The following NDST4 variants were observed in gnomAD, a reference collection of about 807,000 sequenced individuals.
NDST4 encodes N-heparan sulfate sulfotransferase 4.
In NDST4, 63 loss-of-function variants were observed where a neutral mutation model predicts 100.8. The observed-to-expected ratio is 0.62, with a 90% CI of 0.51 to 0.77. The LOEUF (loss-of-function observed/expected upper bound fraction) is 0.77, where lower values mean the gene tolerates loss of function less well. Ranked by LOEUF, NDST4 falls within the 30% of genes least tolerant of loss-of-function variation. The pLI is 0.00. For synonymous variants in NDST4, 377 were observed against 361.8 expected, an observed-to-expected ratio of 1.04 and a Z score of -0.48; for missense variants, 943 against 1,018.4, an observed-to-expected ratio of 0.93 and a Z score of 1.01.
chr4:114,956,657 G>A (rs1445986435), intron 4 of NDST4, among the ~76,000 whole-genome samples: 1 of 152,060 alleles, frequency 6.6e-6, no homozygotes, highest in Non-Finnish European at 1.5e-5. Flanking sequence ...AAAAACATCA[G>A]GAAAGACAGT....
Position 114,845,908 on chromosome 4 carries a change from G to C in NDST4, c.2030C>G (p.Pro677Arg). ...GGGGACAAGAGATGCGGCTCGTCTT[G>C]GAGCTTCTTCCGAATGGAAGTAATT... ...SANYFHSEEA[P>R]RRAASLVPKA... Residue 677 changes from proline to arginine, a missense_variant, in exon 10 of 14, where the codon CCA (proline) becomes CGA (arginine). Coordinates refer to ENST00000264363, the MANE Select transcript of NDST4 (RefSeq NM_022569.3). 6.2e-7 allele frequency: 1 copy of C among 1,613,968 alleles called. No homozygotes were observed. The highest frequency in any genetic ancestry group is 2.2e-5 in the East Asian group (1 of 44,866).
chr4:115,066,409 T>C (rs538036720), intron 2 of NDST4, among the ~76,000 whole-genome samples: 1 of 152,208 alleles, frequency 6.6e-6, no homozygotes, highest in South Asian at 2.1e-4. Context: ...TCAGAAGAAA[T>C]GAAAACCTAG....
At chr4:115,111,941 A>C (rs935814635) in intron 1 of NDST4, among the ~76,000 whole-genome samples, 1 of 151,900 alleles carries the variant, frequency 6.6e-6, no homozygotes, top group Non-Finnish European at 1.5e-5. Context: ...TAGTAGGCTT[A>C]ACTTCCCATT....
At chr4:115,079,438 T>C (rs140876715) in intron 1 of NDST4, among the ~76,000 whole-genome samples, 13 of 152,278 alleles carry the variant, frequency 8.5e-5, no homozygotes, top group African/African-American at 3.1e-4. Flanking sequence ...TAGATGTTTT[T>C]CTTTGTATAG....
In NDST4 at chr4:114,959,305, C is replaced by T. The variant is rs142243914; in HGVS notation, c.1221+11125G>A. ...TCCACAATTTTGGGTATACTTCTAG[C>T]AGTACTCCACTCTACTGGTATCAAT... On this transcript the variant is annotated intron_variant, in intron 4 of 13. Transcript: ENST00000264363. 5.1e-3 allele frequency among the ~76,000 whole-genome samples: 765 copies of T among 151,458 alleles called. 6 individuals are homozygous for T. Among genetic ancestry groups the T allele is most frequent in the Non-Finnish European group, 7.1e-3 (483 of 67,990 alleles).
intron 7 of NDST4, among the ~76,000 whole-genome samples, chr4:114,854,678 C>T (rs1342240734): frequency 1.3e-5 from 2 of 152,152 alleles, no homozygotes; most frequent in African/African-American, 4.8e-5. Context: ...CTATGTTAGC[C>T]AGGATGGTCT....
chr4:115,039,674 C>T (rs541242778), intron 2 of NDST4, among the ~76,000 whole-genome samples: 7 of 152,096 alleles, frequency 4.6e-5, no homozygotes, highest in South Asian at 2.1e-4. Flanking sequence ...TCTCTCTATA[C>T]GACAATGGAT....
At chr4:114,852,584 T>C (rs2126188928) in intron 8 of NDST4, 141 bp downstream of exon 8, 1 of 568,096 alleles carries the variant, frequency 1.8e-6, no homozygotes, top group Non-Finnish European at 3.1e-6. Flanking sequence ...ATCATGGAGA[T>C]GACAAGCAGT....
chr4:114,981,318 T>C (rs999673463), intron 2 of NDST4, among the ~76,000 whole-genome samples: 3 of 152,134 alleles, frequency 2.0e-5, no homozygotes, highest in African/African-American at 4.8e-5. Context: ...TATAGCTACA[T>C]ACTGTTTGAT....
chr4:114,962,326 A>AAAATC (rs1726281366), intron 4 of NDST4, among the ~76,000 whole-genome samples: 1 of 151,866 alleles, frequency 6.6e-6, no homozygotes, highest in Non-Finnish European at 1.5e-5. Context: ...ACAATAAAAT[A>AAAATC]AAATAAAATA....
chr4:114,998,571 C>T (rs1369001833), intron 2 of NDST4, among the ~76,000 whole-genome samples: 1 of 152,054 alleles, frequency 6.6e-6, no homozygotes. Context: ...AAAGCAGTCT[C>T]ATACCATAAG....
intron 2 of NDST4, among the ~76,000 whole-genome samples, chr4:115,025,819 G>T (rs535530872): frequency 2.0e-5 from 3 of 152,172 alleles, no homozygotes; most frequent in Non-Finnish European, 2.9e-5. Context: ...TTTTTCCAAG[G>T]TACATATCTA....
At chr4:115,005,004 G>C (rs781266492) in intron 2 of NDST4, among the ~76,000 whole-genome samples, 6 of 151,974 alleles carry the variant, frequency 3.9e-5, no homozygotes, top group Non-Finnish European at 8.8e-5. Context: ...ATTTTAAATT[G>C]CTTACATTGA....
chr4:115,040,630 C>A (rs1728329160), intron 2 of NDST4, among the ~76,000 whole-genome samples: 2 of 151,906 alleles, frequency 1.3e-5, no homozygotes, highest in Non-Finnish European at 2.9e-5. Flanking sequence ...CAATGAGCAT[C>A]CCTACAGCAC....
intron 4 of NDST4, among the ~76,000 whole-genome samples, chr4:114,948,499 T>C (rs1725919295): frequency 6.6e-6 from 1 of 152,082 alleles, no homozygotes. Context: ...ACTGGCCATA[T>C]AGATTATTAA....
chr4:115,084,762 T>G (rs1349389801), intron 1 of NDST4, among the ~76,000 whole-genome samples: 1 of 152,176 alleles, frequency 6.6e-6, no homozygotes, highest in Non-Finnish European at 1.5e-5. Flanking sequence ...CCGCCTATAA[T>G]TCAGAGGATG....
chr4:115,096,735 G>T (rs1004196753), intron 1 of NDST4, among the ~76,000 whole-genome samples: 2 of 151,984 alleles, frequency 1.3e-5, no homozygotes, highest in African/African-American at 2.4e-5. Context: ...CAGGCATTCT[G>T]TTCTTTTTTA....
At chr4:114,899,468 C>T (rs1368280533) in intron 6 of NDST4, among the ~76,000 whole-genome samples, 6 of 152,076 alleles carry the variant, frequency 3.9e-5, no homozygotes, top group Non-Finnish European at 5.9e-5. Flanking sequence ...TGAGACACCA[C>T]GCCCAGCCTA....
At chr4:114,969,269 C>T (rs1374460453) in intron 4 of NDST4, among the ~76,000 whole-genome samples, 1 of 145,860 alleles carries the variant, frequency 6.9e-6, no homozygotes, top group Non-Finnish European at 1.5e-5. Flanking sequence ...AGCCGAGATC[C>T]CGCCACTGCA....
Sources: gnomAD v4.1 joint callset for allele counts (sites outside exome capture counted in the v4.1 genomes callset) on GRCh38, gnomAD v4.1.1 for gene constraint, MANE v1.5 for transcripts, NCBI Gene and HGNC (gene_info 2026-07-23, HGNC 2026-07-21) for gene names.